The following ANTXR1 variants were observed in gnomAD, a reference collection of about 807,000 sequenced individuals.
ANTXR1 encodes the protein ANTXR cell adhesion molecule 1.
In ANTXR1, 19 loss-of-function variants were observed where a neutral mutation model predicts 78.1. That is an observed-to-expected ratio of 0.24 (90% confidence interval 0.17 to 0.36). The LOEUF is 0.36. ANTXR1 is among the 10% of genes least tolerant of loss of function. The pLI is 1.00. For missense variants in ANTXR1, 518 were observed against 718.6 expected, an observed-to-expected ratio of 0.72 and a Z score of 3.19; for synonymous variants, 273 against 260.5, an observed-to-expected ratio of 1.05 and a Z score of -0.46.
intron 1 of ANTXR1, among the ~76,000 whole-genome samples, chr2:69,018,716 G>C (rs1269705648): frequency 6.6e-6 from 1 of 152,158 alleles, no homozygotes; most frequent in Non-Finnish European, 1.5e-5. Context: ...TCACGACAGA[G>C]CTAGGACAGT....
chr2:69,043,134 C>A (rs1196176082), intron 2 of ANTXR1, among the ~76,000 whole-genome samples: 1 of 152,120 alleles, frequency 6.6e-6, no homozygotes, highest in African/African-American at 2.4e-5. Flanking sequence ...AGAAGGGGAG[C>A]AGTATATAAT....
intron 12 of ANTXR1, among the ~76,000 whole-genome samples, chr2:69,138,588 C>G (rs545063743): frequency 8.5e-5 from 13 of 152,128 alleles, no homozygotes; most frequent in Non-Finnish European, 1.8e-4. Flanking sequence ...TACATTAAGG[C>G]ACCAAGGAAA....
At chr2:69,169,247 C>T (rs536991204) in intron 13 of ANTXR1, among the ~76,000 whole-genome samples, 1 of 152,336 alleles carries the variant, frequency 6.6e-6, no homozygotes, top group Non-Finnish European at 1.5e-5. Context: ...GATGTTAAGG[C>T]ATCAAGAGAT....
intron 3 of ANTXR1, among the ~76,000 whole-genome samples, chr2:69,057,415 C>G (rs932661671): frequency 6.6e-6 from 1 of 152,152 alleles, no homozygotes; most frequent in South Asian, 2.1e-4. Flanking sequence ...GTCTGTATGT[C>G]ACATTTTGGT....
intron 3 of ANTXR1, among the ~76,000 whole-genome samples, chr2:69,064,882 A>C (rs1241855462): frequency 2.0e-5 from 3 of 152,250 alleles, no homozygotes; most frequent in Non-Finnish European, 4.4e-5. Flanking sequence ...AGCTAAAGTC[A>C]CGTGCCTAGG....
intron 17 of ANTXR1, among the ~76,000 whole-genome samples, chr2:69,196,514 C>A (rs560161915): frequency 1.3e-5 from 2 of 152,090 alleles, no homozygotes; most frequent in African/African-American, 4.8e-5. Context: ...GAATTCCAGG[C>A]GAGGCAGGGG....
intron 12 of ANTXR1, among the ~76,000 whole-genome samples, chr2:69,140,830 G>A (rs1673049397): frequency 6.6e-6 from 1 of 152,168 alleles, no homozygotes; most frequent in Admixed American, 6.5e-5. Context: ...TTTAGAAAGA[G>A]TTCCACAAAG....
intron 2 of ANTXR1, among the ~76,000 whole-genome samples, chr2:69,043,016 C>A (rs1669655039): frequency 6.6e-6 from 1 of 152,206 alleles, no homozygotes; most frequent in African/African-American, 2.4e-5. Context: ...CATCAGTACG[C>A]TGAGGACTTC....
At chr2:69,022,725 G>A (rs957606894) in intron 1 of ANTXR1, among the ~76,000 whole-genome samples, 4 of 152,324 alleles carry the variant, frequency 2.6e-5, no homozygotes, top group Admixed American at 6.5e-5. Flanking sequence ...AGACTGAACA[G>A]GAAGACAAGA....
At chr2:69,149,686 G>A (rs569186498) in intron 12 of ANTXR1, among the ~76,000 whole-genome samples, 14 of 152,280 alleles carry the variant, frequency 9.2e-5, no homozygotes, top group Admixed American at 9.2e-4. Flanking sequence ...TGGAGAACTA[G>A]AGGGAGAGCG....
intron 1 of ANTXR1, among the ~76,000 whole-genome samples, chr2:69,018,004 C>T (rs12465602): frequency 0.094 from 14,272 of 152,172 alleles, 698 homozygotes; most frequent in Admixed American, 0.14. Flanking sequence ...GATTCTGCAT[C>T]ATGAATCTCA....
At chr2:69,052,207 G>A (rs776022560) in intron 3 of ANTXR1, among the ~76,000 whole-genome samples, 2 of 151,772 alleles carry the variant, frequency 1.3e-5, no homozygotes, top group Non-Finnish European at 2.9e-5. Context: ...ATGAATACAC[G>A]CACACATTCA....
chr2:69,026,413 T>C (rs1671346789), intron 1 of ANTXR1, among the ~76,000 whole-genome samples: 1 of 152,226 alleles, frequency 6.6e-6, no homozygotes, highest in African/African-American at 2.4e-5. Flanking sequence ...AGAACAGCGT[T>C]GGCCACACTG....
chr2:69,097,163 C>CT (rs1168357571), intron 9 of ANTXR1, among the ~76,000 whole-genome samples: 1 of 152,248 alleles, frequency 6.6e-6, no homozygotes, highest in African/African-American at 2.4e-5. Flanking sequence ...TGAGCACAGT[C>CT]TTTCTGTGGT....
intron 17 of ANTXR1, among the ~76,000 whole-genome samples, chr2:69,197,900 A>T (rs988727848): frequency 6.6e-6 from 1 of 152,242 alleles, no homozygotes; most frequent in Non-Finnish European, 1.5e-5. Flanking sequence ...ATGGCGTGTC[A>T]TTCCACTTTG....
intron 10 of ANTXR1, among the ~76,000 whole-genome samples, chr2:69,117,676 G>A (rs1672194446): frequency 6.6e-6 from 1 of 152,140 alleles, no homozygotes; most frequent in African/African-American, 2.4e-5. Flanking sequence ...TTAAAGGTGT[G>A]GAGGCCCATG....
At chr2:69,051,345 T>C (rs961071289) in intron 3 of ANTXR1, among the ~76,000 whole-genome samples, 1 of 152,110 alleles carries the variant, frequency 6.6e-6, no homozygotes, top group Non-Finnish European at 1.5e-5. Flanking sequence ...ACAGTATAAA[T>C]TGTACTTTAA....
chr2:69,126,351 C>G (rs1006170301), intron 12 of ANTXR1, among the ~76,000 whole-genome samples: 1 of 152,170 alleles, frequency 6.6e-6, no homozygotes, highest in East Asian at 1.9e-4. Flanking sequence ...GTCCATGTCT[C>G]AGACATCTGG....
At chr2:69,163,637 T>C (rs558983439) in intron 13 of ANTXR1, among the ~76,000 whole-genome samples, 2 of 152,310 alleles carry the variant, frequency 1.3e-5, no homozygotes, top group South Asian at 4.1e-4. Flanking sequence ...GGACACACGC[T>C]CCTATTGACA....
Sources: allele counts gnomAD v4.1 joint callset (sites outside exome capture counted in the v4.1 genomes callset), GRCh38; gene constraint gnomAD v4.1.1; transcripts MANE v1.5; gene names NCBI Gene and HGNC (gene_info 2026-07-23, HGNC 2026-07-21).